The following PHLDB2 variants were observed in gnomAD, a reference collection of about 807,000 sequenced individuals.
PHLDB2 encodes the protein pleckstrin homology-like domain family B member 2.
In PHLDB2, 71 loss-of-function variants were observed where a neutral mutation model predicts 123.6. The ratio of observed to expected loss-of-function variants is 0.57; its 90% CI spans 0.47 to 0.70. The LOEUF (loss-of-function observed/expected upper bound fraction) is 0.70, where lower values mean the gene tolerates loss of function less well. Ranked by LOEUF, PHLDB2 falls within the 30% of genes least tolerant of loss-of-function variation. The probability of loss-of-function intolerance (pLI) is 0.00; values close to 1 mark genes in which losing one functional copy is unlikely to be tolerated. For synonymous variants in PHLDB2, 547 were observed against 541.6 expected (o/e 1.01, Z -0.14); for missense variants, 1,446 against 1,519.5 (o/e 0.95, Z 0.80).
chr3:111,767,656 C>G (rs1445892980), intron 1 of PHLDB2, among the ~76,000 whole-genome samples: 1 of 152,158 alleles, frequency 6.6e-6, no homozygotes, highest in Non-Finnish European at 1.5e-5. Context: ...TAAAACTGTA[C>G]CTGGCATATA....
intron 1 of PHLDB2, among the ~76,000 whole-genome samples, chr3:111,755,367 G>A (rs1258543674): frequency 2.8e-5 from 4 of 144,884 alleles, no homozygotes; most frequent in Non-Finnish European, 6.0e-5. Context: ...ACTTCTTCCT[G>A]GTTTAGTCTT....
intron 12 of PHLDB2, among the ~76,000 whole-genome samples, chr3:111,961,109 G>A (rs922589094): frequency 6.6e-6 from 1 of 152,180 alleles, no homozygotes; most frequent in African/African-American, 2.4e-5. Context: ...GAGGCAGGCA[G>A]ATCACAAGGT....
chr3:111,928,272 T>G (rs1050078763), intron 5 of PHLDB2, among the ~76,000 whole-genome samples: 1 of 152,236 alleles, frequency 6.6e-6, no homozygotes, highest in African/African-American at 2.4e-5. Flanking sequence ...GGACCAAATA[T>G]TTTAAGAATA....
chr3:111,807,520 A>G (rs1219348328), intron 1 of PHLDB2, among the ~76,000 whole-genome samples: 1 of 152,188 alleles, frequency 6.6e-6, no homozygotes, highest in Non-Finnish European at 1.5e-5. Context: ...GAGTTTGCCC[A>G]GGAGGCCTGG....
rs199851261 is a variant in PHLDB2 at position 111,839,776 on chromosome 3, AAACAT to A, written c.-48-6040_-48-6036del. Among the ~76,000 whole-genome samples, 222 of 152,210 alleles carry A rather than the reference AAACAT, an allele frequency of 1.5e-3. No homozygotes were observed. In the East Asian group the frequency reaches 0.032, roughly 22 times the overall value. ...GAAATACCTCTAGTATTTTCTGACT[AAACAT>A]AACACCGGCTTTAGGACCGAGGTAT... On this transcript the variant is annotated intron_variant, in intron 1 of 17. Transcript: ENST00000393923.
chr3:111,804,794 T>C (rs933910942), intron 1 of PHLDB2, among the ~76,000 whole-genome samples: 2 of 152,184 alleles, frequency 1.3e-5, no homozygotes, highest in African/African-American at 2.4e-5. Flanking sequence ...TAAGAATTAA[T>C]TTGCACACAG....
At chr3:111,953,327 G>A (rs112605230) in intron 11 of PHLDB2, among the ~76,000 whole-genome samples, 3,587 of 152,236 alleles carry the variant, frequency 0.024, 61 homozygotes, top group Non-Finnish European at 0.032. Context: ...AAGAGAAGAG[G>A]CAGGTGTGAA....
chr3:111,890,035 A>G lies in PHLDB2; in HGVS notation c.1335+4623A>G, dbSNP rs536978616. 1.2e-4 allele frequency among the ~76,000 whole-genome samples: 18 copies of G among 152,324 alleles called. No homozygotes were observed. The East Asian group carries it at 3.5e-3, about 29-fold the overall frequency. On this transcript the variant is annotated intron_variant, in intron 2 of 17. Transcript: ENST00000431670. The stretch of plus-strand genomic sequence containing the variant: ...TCAAAAGACTGATTGCTTTTCCATC[A>G]GGCACAAAATATATTCCTGATCTGA...
chr3:111,845,377 A>C (rs929220601), intron 1 of PHLDB2, among the ~76,000 whole-genome samples: 11 of 150,040 alleles, frequency 7.3e-5, no homozygotes, highest in Admixed American at 6.6e-5. Flanking sequence ...AAAAAAAAAA[A>C]AAAAAAAACT....
chr3:111,747,014 C>A lies in PHLDB2; in HGVS notation c.-49+14311C>A, dbSNP rs1014287429. Among the ~76,000 whole-genome samples, 41 of 152,184 alleles carry A rather than the reference C, an allele frequency of 2.7e-4. 1 individual carries two copies. The highest frequency in any genetic ancestry group is 9.9e-4 in the African/African-American group (41 of 41,542). ...TTCTATACCCAGCCAAACTATAAATCAAGACTTAGAGCAGAATATAGACCT... is the reference window on the plus strand; with the variant it reads ...TTCTATACCCAGCCAAACTATAAATAAAGACTTAGAGCAGAATATAGACCT... On this transcript the variant is annotated intron_variant, in intron 1 of 17. Coordinates refer to the PHLDB2 transcript ENST00000393923.
At chr3:111,963,122 T>C (rs563685734) in intron 13 of PHLDB2, among the ~76,000 whole-genome samples, 2 of 152,266 alleles carry the variant, frequency 1.3e-5, no homozygotes, top group East Asian at 3.9e-4. Context: ...AAGGTGGTCT[T>C]AACATATAAA....
intron 13 of PHLDB2, among the ~76,000 whole-genome samples, chr3:111,962,773 C>CA (rs201609884): frequency 0.014 from 2,180 of 151,514 alleles, 56 homozygotes; most frequent in African/African-American, 0.043. Flanking sequence ...CTACTAAATA[C>CA]AAAAAATTAG....
At chr3:111,829,610 C>T (rs912739935) in intron 1 of PHLDB2, among the ~76,000 whole-genome samples, 1 of 151,774 alleles carries the variant, frequency 6.6e-6, no homozygotes, top group Admixed American at 6.6e-5. Flanking sequence ...ATTACAGGCA[C>T]ATGCCACCAC....
intron 1 of PHLDB2, among the ~76,000 whole-genome samples, chr3:111,740,466 A>G (rs547080407): frequency 6.6e-6 from 1 of 152,290 alleles, no homozygotes; most frequent in South Asian, 2.1e-4. Flanking sequence ...GTAAGAACAC[A>G]CTGATTTCTT....
intron 5 of PHLDB2, among the ~76,000 whole-genome samples, chr3:111,931,869 G>A (rs2069169032): frequency 6.6e-6 from 1 of 152,160 alleles, no homozygotes; most frequent in Non-Finnish European, 1.5e-5. Context: ...TGAGGTAAAT[G>A]CCCCCTTTCC....
chr3:111,935,495 T>C (rs1008432809), intron 6 of PHLDB2, among the ~76,000 whole-genome samples: 1 of 109,982 alleles, frequency 9.1e-6, no homozygotes, highest in African/African-American at 3.4e-5. Context: ...GATATATGTG[T>C]ATATAAGATA....
intron 1 of PHLDB2, among the ~76,000 whole-genome samples, chr3:111,874,563 G>A (rs1408062585): frequency 6.6e-6 from 1 of 152,198 alleles, no homozygotes; most frequent in African/African-American, 2.4e-5. Context: ...TGCAAGCCTG[G>A]ATGAGGCTAG....
intron 2 of PHLDB2, among the ~76,000 whole-genome samples, chr3:111,908,438 G>C (rs1005041283): frequency 1.3e-5 from 2 of 152,154 alleles, no homozygotes; most frequent in South Asian, 2.1e-4. Context: ...ATACAGGTCT[G>C]TTTCTTTCTT....
At chr3:111,925,003 A>G (rs1369941538) in intron 5 of PHLDB2, among the ~76,000 whole-genome samples, 1 of 151,194 alleles carries the variant, frequency 6.6e-6, no homozygotes. Flanking sequence ...TAATTTTTAC[A>G]TTTTTAATAG....
Sources: gnomAD v4.1 joint callset for allele counts (sites outside exome capture counted in the v4.1 genomes callset) on GRCh38, gnomAD v4.1.1 for gene constraint, MANE v1.5 for transcripts, NCBI Gene and HGNC (gene_info 2026-07-23, HGNC 2026-07-21) for gene names.